Variants in CCDC141 observed in about 807,000 individuals in gnomAD.
CCDC141 encodes the protein coiled-coil domain-containing protein 141.
CCDC141 carries 168 observed loss-of-function variants against 181.0 expected under a neutral mutation model. That is an observed-to-expected ratio of 0.93 (90% confidence interval 0.82 to 1.05). The LOEUF (loss-of-function observed/expected upper bound fraction) is 1.05, where lower values mean the gene tolerates loss of function less well. CCDC141 is among the 50% of genes least tolerant of loss of function. The probability of loss-of-function intolerance (pLI) is 0.00; values close to 1 mark genes in which losing one functional copy is unlikely to be tolerated. For missense variants in CCDC141, 1,902 were observed against 1,788.5 expected (o/e 1.06, Z -1.14); for synonymous variants, 666 against 642.3 (o/e 1.04, Z -0.56).
At chr2:178,928,774 C>T (rs1311984459) in intron 6 of CCDC141, among the ~76,000 whole-genome samples, 1 of 152,118 alleles carries the variant, frequency 6.6e-6, no homozygotes, top group Non-Finnish European at 1.5e-5. Context: ...GAGGGACTTT[C>T]TAAATTCAGC....
intron 2 of CCDC141, among the ~76,000 whole-genome samples, chr2:179,012,484 T>G (rs568382695): frequency 6.6e-6 from 1 of 151,990 alleles, no homozygotes; most frequent in East Asian, 1.9e-4. Context: ...ATTTAAAAAT[T>G]ACCAACAAAA....
chr2:179,002,320 G>T, intron 2 of CCDC141: 1 of 277,770 alleles, frequency 3.6e-6, no homozygotes, highest in Non-Finnish European at 7.1e-6. Flanking sequence ...AGAAGAACTG[G>T]AGAAAGAAAG....
chr2:179,015,282 C>CATATATA (rs2042442218), intron 2 of CCDC141, among the ~76,000 whole-genome samples: 2 of 20,038 alleles, frequency 1.0e-4, no homozygotes, highest in Non-Finnish European at 4.2e-4. Flanking sequence ...TCTCATCTAT[C>CATATATA]TCTCATATAT....
Position 178,830,288 on chromosome 2 carries a change from G to T in CCDC141, c.*3885C>A, listed in dbSNP as rs1297843520. On this transcript the variant is annotated 3_prime_UTR_variant, in exon 24 of 24. Coordinates refer to ENST00000443758, the MANE Select transcript of CCDC141 (RefSeq NM_173648.4). Reference sequence around the variant, plus strand: ...CTCCTTACTATTATTTTAGTCCGTGGAGCCAGCATCTATTTTTAAATTCAA... The same window carrying T: ...CTCCTTACTATTATTTTAGTCCGTGTAGCCAGCATCTATTTTTAAATTCAA... The T allele has an allele frequency of 1.3e-5, 2 of 152,118 alleles. No homozygotes were observed. Among genetic ancestry groups the T allele is most frequent in the Non-Finnish European group, 2.9e-5 (2 of 68,034 alleles). 9.4% of individuals were successfully genotyped at this position (152,118 alleles called of 1,614,324 possible). A position where few individuals can be genotyped will look rare whatever the true frequency, so the allele number is the denominator to read the frequency against.
rs141563593 is a variant in CCDC141 at position 178,972,625 on chromosome 2, T to G, written c.526+2432A>C. On this transcript the variant is annotated intron_variant, in intron 4 of 23. Transcript: ENST00000443758. ...GTTCAGAAAACAGTGTTTAATTATG[T>G]GTTTTGGATTGAGGGCAACCAGGCC... Among the ~76,000 whole-genome samples the G allele has an allele frequency of 1.2e-3, 183 of 152,306 alleles. 1 individual carries two copies. The highest frequency in any genetic ancestry group is 2.3e-3 in the Non-Finnish European group (154 of 68,014).
At chr2:178,883,977 C>A (rs1427376245) in intron 11 of CCDC141, among the ~76,000 whole-genome samples, 1 of 151,932 alleles carries the variant, frequency 6.6e-6, no homozygotes, top group Non-Finnish European at 1.5e-5. Context: ...CTGTAATTTC[C>A]AATTCTGTGT....
rs990151073 is a variant in CCDC141, at chr2:178,837,592, G to A, written c.3627C>T (p.Val1209=). The change falls in exon 23 of 24, where the codon GTC becomes GTT. Residue 1209 remains valine (V), a synonymous_variant. Transcript: ENST00000443758. The part of the protein sequence containing the change: ...DMLSGEEYEC[V]SPDDISLPPL... The stretch of plus-strand genomic sequence containing the variant: ...GAGGCAAGGAGATGTCATCAGGTGA[G>A]ACACACTCATATTCTTCCCCTGAGA... 74 of 1,613,816 alleles carry A rather than the reference G, an allele frequency of 4.6e-5. No homozygotes were observed. Among genetic ancestry groups the A allele is most frequent in the Non-Finnish European group, 6.1e-5 (72 of 1,179,940 alleles).
chr2:179,025,173 T>C (rs544517595), intron 2 of CCDC141, among the ~76,000 whole-genome samples: 1 of 152,184 alleles, frequency 6.6e-6, no homozygotes, highest in South Asian at 2.1e-4. Flanking sequence ...AGGTAAACTG[T>C]GTGTCACAGG....
intron 12 of CCDC141, chr2:178,874,563 G>A (rs1310763074): frequency 6.6e-6 from 1 of 152,332 alleles, no homozygotes; most frequent in African/African-American, 2.4e-5. Flanking sequence ...TGAGTAGAAT[G>A]GGGTAGCCAG....
intron 6 of CCDC141, among the ~76,000 whole-genome samples, chr2:178,929,499 T>C (rs1689021556): frequency 6.6e-6 from 1 of 152,158 alleles, no homozygotes; most frequent in Non-Finnish European, 1.5e-5. Context: ...AGTAGCTCCT[T>C]TTTTAATAAA....
At chr2:178,993,283 T>A (rs1692140549) in intron 2 of CCDC141, among the ~76,000 whole-genome samples, 1 of 152,120 alleles carries the variant, frequency 6.6e-6, no homozygotes, top group Admixed American at 6.5e-5. Flanking sequence ...GACTGGGGAA[T>A]TTACAAAGGA....
chr2:178,954,076 G>C (rs906558952), intron 5 of CCDC141, among the ~76,000 whole-genome samples: 4 of 152,158 alleles, frequency 2.6e-5, no homozygotes, highest in African/African-American at 9.7e-5. Flanking sequence ...GATCTGGGTG[G>C]TAAAAAGAGA....
chr2:178,899,145 C>A (rs1041069396), intron 8 of CCDC141, among the ~76,000 whole-genome samples: 1 of 152,082 alleles, frequency 6.6e-6, no homozygotes, highest in Admixed American at 6.6e-5. Flanking sequence ...ACATGAATAC[C>A]ATTGTGTTTC....
chr2:178,967,169 A>G (rs1273198071), intron 4 of CCDC141, among the ~76,000 whole-genome samples: 1 of 152,214 alleles, frequency 6.6e-6, no homozygotes, highest in Non-Finnish European at 1.5e-5. Flanking sequence ...ACCAAGTTGG[A>G]AAACACTCTT....
chr2:178,871,062 G>A (rs1333980801), intron 14 of CCDC141, among the ~76,000 whole-genome samples: 3 of 152,084 alleles, frequency 2.0e-5, no homozygotes, highest in Non-Finnish European at 4.4e-5. Context: ...CTCTGGGTCC[G>A]AGGTTGCCCA....
At chr2:178,952,053 G>A (rs1302452884) in intron 5 of CCDC141, among the ~76,000 whole-genome samples, 2 of 152,208 alleles carry the variant, frequency 1.3e-5, no homozygotes, top group African/African-American at 2.4e-5. Flanking sequence ...GCTAAAGGGC[G>A]GAGAAAGTTA....
Position 178,837,044 on chromosome 2 carries a change from A to G in CCDC141, c.4175T>C (p.Ile1392Thr). Residue 1392 changes from isoleucine (I) to threonine (T), a missense_variant, in exon 23 of 24, where the codon ATT becomes ACT. Coordinates refer to ENST00000443758, the MANE Select transcript of CCDC141 (RefSeq NM_173648.4). ...GCTGCTCTTTGCTGATGTGCTTTTA[A>G]TCTCTTCTCGAGGAACCATTTGCCT... ...YQRQMVPREE[I>T]KSTSAKSSVV... is the part of the protein sequence containing the mutation. The G allele has an allele frequency of 3.1e-6, 5 of 1,613,940 alleles. No individual in the cohort carries two copies. Among genetic ancestry groups the G allele is most frequent in the Non-Finnish European group, 4.2e-6 (5 of 1,179,940 alleles).
At position 179,047,480 on chromosome 2, in the gene CCDC141, T is replaced by C. The variant is rs1166255461; in HGVS notation, c.103-74A>G. Reference sequence around the variant, plus strand: ...TCCTCTTCACCCTTCTCATTTTTAATATATCGTTTAAATTTCCAGTTATAC... The same window carrying C: ...TCCTCTTCACCCTTCTCATTTTTAACATATCGTTTAAATTTCCAGTTATAC... On this transcript the variant is annotated intron_variant, in intron 1 of 23. Transcript: ENST00000443758. The C allele has an allele frequency of 6.3e-6, 8 of 1,265,208 alleles. No individual in the cohort carries two copies. The African/African-American group carries it at 9.2e-5, about 15-fold the overall frequency. The allele number at this position is 1,265,208 out of a possible 1,614,324, so 78.4% of individuals were successfully genotyped here.
chr2:178,999,743 T>C (rs1436887032), intron 2 of CCDC141, among the ~76,000 whole-genome samples: 1 of 151,966 alleles, frequency 6.6e-6, no homozygotes, highest in African/African-American at 2.4e-5. Context: ...CCCTTCCTTT[T>C]GGCCTCTCAC....
Sources: allele counts gnomAD v4.1 joint callset (sites outside exome capture counted in the v4.1 genomes callset), GRCh38; gene constraint gnomAD v4.1.1; transcripts MANE v1.5; gene names NCBI Gene and HGNC (gene_info 2026-07-23, HGNC 2026-07-21).